WDR49: variants seen among roughly 807,000 people sequenced by gnomAD.
WDR49 encodes the protein cilia- and flagella-associated protein 337.
In WDR49, 107 loss-of-function variants were observed where a neutral mutation model predicts 119.5. The ratio of observed to expected loss-of-function variants is 0.90; its 90% CI spans 0.77 to 1.05. The LOEUF (loss-of-function observed/expected upper bound fraction) is 1.05, where lower values mean the gene tolerates loss of function less well. Ranked by LOEUF, WDR49 falls within the 50% of genes least tolerant of loss-of-function variation. WDR49 has a pLI of 0.00. For missense variants in WDR49, 1,240 were observed against 1,220.5 expected (o/e 1.02, Z -0.24); for synonymous variants, 425 against 418.8 (o/e 1.01, Z -0.18).
intron 18 of WDR49, among the ~76,000 whole-genome samples, chr3:167,487,765 CAT>C (rs1475791538): frequency 6.6e-6 from 1 of 151,964 alleles, no homozygotes; most frequent in African/African-American, 2.4e-5. Context: ...GGCCAAGAAA[CAT>C]ATGAAAATTA....
At chr3:167,486,772 A>G (rs1750938199) in intron 18 of WDR49, among the ~76,000 whole-genome samples, 1 of 152,094 alleles carries the variant, frequency 6.6e-6, no homozygotes, top group Non-Finnish European at 1.5e-5. Flanking sequence ...ACAACCACAC[A>G]ATAATACTGA....
chr3:167,494,733 A>G (rs1751282329), intron 18 of WDR49, among the ~76,000 whole-genome samples: 1 of 152,178 alleles, frequency 6.6e-6, no homozygotes, highest in Non-Finnish European at 1.5e-5. Context: ...GGTGTGATGT[A>G]TTGGAATCTA....
At chr3:167,574,676 G>T (rs1183553094) in intron 8 of WDR49, among the ~76,000 whole-genome samples, 1 of 152,074 alleles carries the variant, frequency 6.6e-6, no homozygotes, top group African/African-American at 2.4e-5. Context: ...GATCTTCTTT[G>T]TGTCTAATTT....
intron 2 of WDR49, among the ~76,000 whole-genome samples, chr3:167,640,964 CA>C (rs1350593545): frequency 1.3e-5 from 2 of 151,778 alleles, no homozygotes; most frequent in Non-Finnish European, 2.9e-5. Context: ...ACCTACTTCC[CA>C]AAAACCTTCG....
At position 167,515,185 on chromosome 3, in the gene WDR49, G is replaced by A. The variant is rs1486016756; in HGVS notation, c.2774+7130C>T. Among the ~76,000 whole-genome samples, 7 of 151,628 alleles carry A rather than the reference G, an allele frequency of 4.6e-5. 1 individual carries two copies. Among genetic ancestry groups the A allele is most frequent in the South Asian group, 4.2e-4 (2 of 4,810 alleles). ...CCTGGTCAAGACAAAACAAAACAAC[G>A]AAAAAAGAACTTCAGCCAATATCCC... On this transcript the variant is annotated intron_variant, in intron 16 of 18. Coordinates refer to ENST00000682715, the MANE Select transcript of WDR49 (RefSeq NM_001366157.1).
rs1751513277 is a variant in WDR49, at chr3:167,500,311, C to T, written c.2885-12G>A. 6.2e-7 allele frequency: 1 copy of T among 1,605,324 alleles called. No individual in the cohort carries two copies. Among genetic ancestry groups the T allele is most frequent in the South Asian group, 1.1e-5 (1 of 89,168 alleles). ...TGACCTAAATGTACCTTCACAACAG[C>T]AGGTTTTAGAGGAAGACAGGGAGAA... On this transcript the variant is annotated splice_polypyrimidine_tract_variant and intron_variant, in intron 17 of 18. Transcript: ENST00000682715.
intron 16 of WDR49, among the ~76,000 whole-genome samples, chr3:167,517,033 G>A (rs1752239038): frequency 6.6e-6 from 1 of 152,164 alleles, no homozygotes; most frequent in South Asian, 2.1e-4. Flanking sequence ...TCTCACACTA[G>A]TTAGAATGGT....
intron 7 of WDR49, among the ~76,000 whole-genome samples, chr3:167,579,862 C>A (rs1348634396): frequency 6.6e-6 from 1 of 151,972 alleles, no homozygotes; most frequent in Non-Finnish European, 1.5e-5. Flanking sequence ...CATTCAAAAT[C>A]CTGTCTTGTT....
chr3:167,564,626 C>G (rs1713478384), intron 8 of WDR49, among the ~76,000 whole-genome samples: 1 of 152,178 alleles, frequency 6.6e-6, no homozygotes, highest in African/African-American at 2.4e-5. Context: ...TGACAGTCTG[C>G]AGAGTGAAAA....
chr3:167,529,280 C>A (rs1298997203), intron 13 of WDR49, 41 bp from the exon 14 acceptor site: 9 of 1,494,784 alleles, frequency 6.0e-6, no homozygotes, highest in Non-Finnish European at 8.0e-6. Flanking sequence ...AACTGAACAA[C>A]AAATGCCAGA....
At chr3:167,646,129 C>A (rs1446741197) in intron 2 of WDR49, among the ~76,000 whole-genome samples, 1 of 151,930 alleles carries the variant, frequency 6.6e-6, no homozygotes, top group African/African-American at 2.4e-5. Context: ...GGGTAATGGC[C>A]CAGGTCAGAT....
intron 15 of WDR49, among the ~76,000 whole-genome samples, chr3:167,525,597 C>T (rs574828466): frequency 6.6e-6 from 1 of 152,170 alleles, no homozygotes; most frequent in African/African-American, 2.4e-5. Context: ...CCTAGCACAA[C>T]AGTAGTTAGT....
At chr3:167,525,992 C>G (rs1435083311) in intron 15 of WDR49, among the ~76,000 whole-genome samples, 1 of 151,478 alleles carries the variant, frequency 6.6e-6, no homozygotes, top group Non-Finnish European at 1.5e-5. Context: ...ATATTCAAGA[C>G]AGCTTGATAA....
At chr3:167,537,672 T>C (rs1711542222) in intron 10 of WDR49, among the ~76,000 whole-genome samples, 1 of 152,124 alleles carries the variant, frequency 6.6e-6, no homozygotes, top group Non-Finnish European at 1.5e-5. Flanking sequence ...GGGCAAAGAA[T>C]GAAATGCCTT....
intron 7 of WDR49, among the ~76,000 whole-genome samples, chr3:167,598,253 C>T (rs1715590043): frequency 6.7e-6 from 1 of 150,062 alleles, no homozygotes; most frequent in South Asian, 2.1e-4. Flanking sequence ...TGCAGTGAGC[C>T]GAGATCACAC....
intron 8 of WDR49, among the ~76,000 whole-genome samples, chr3:167,574,502 T>G (rs1163208262): frequency 6.6e-6 from 1 of 152,230 alleles, no homozygotes; most frequent in Non-Finnish European, 1.5e-5. Context: ...TCAATGCTTA[T>G]CATTATTTAT....
chr3:167,589,417 C>G (rs752009010), intron 7 of WDR49, among the ~76,000 whole-genome samples: 21 of 151,952 alleles, frequency 1.4e-4, no homozygotes, highest in Admixed American at 5.9e-4. Context: ...CTTGGCTATT[C>G]TGGGTCTTCT....
rs999588144 is a variant in WDR49, at chr3:167,623,154, C to T, written c.607-1511G>A. ...CTTCTCAAACTCTTCCAAAAAATTA[C>T]GGCAAAGGTAACACCTCCCAAATCA... On this transcript the variant is annotated intron_variant, in intron 3 of 18. Coordinates refer to ENST00000682715, the MANE Select transcript of WDR49 (RefSeq NM_001366157.1). Among the ~76,000 whole-genome samples, 6 of 152,052 alleles carry T rather than the reference C, an allele frequency of 3.9e-5. No homozygotes were observed. The South Asian group carries it at 6.2e-4, about 16-fold the overall frequency.
At chr3:167,518,758 T>C (rs1190323948) in intron 16 of WDR49, among the ~76,000 whole-genome samples, 2 of 150,688 alleles carry the variant, frequency 1.3e-5, no homozygotes, top group South Asian at 2.2e-4. Flanking sequence ...ATTTGTCAAC[T>C]TTGGCTTTTG....
Sources: gnomAD v4.1 joint callset for allele counts (sites outside exome capture counted in the v4.1 genomes callset) on GRCh38, gnomAD v4.1.1 for gene constraint, MANE v1.5 for transcripts, NCBI Gene and HGNC (gene_info 2026-07-23, HGNC 2026-07-21) for gene names.